The following IFT74 variants were observed in gnomAD, a reference collection of about 807,000 sequenced individuals.
IFT74 encodes intraflagellar transport 74.
Under a neutral mutation model 96.7 loss-of-function variants are expected in IFT74, and 92 were observed. The ratio of observed to expected loss-of-function variants is 0.95; its 90% confidence interval spans 0.80 to 1.13. IFT74 has a LOEUF of 1.13. Among genes scored for constraint, IFT74 ranks in the 50% most tolerant of loss-of-function variants. The pLI is 0.00. For missense variants in IFT74, 811 were observed against 698.2 expected (o/e 1.16, Z -1.82); for synonymous variants, 223 against 213.2 (o/e 1.05, Z -0.40).
chr9:27,025,939 G>C (rs749603870), intron 12 of IFT74, among the ~76,000 whole-genome samples: 2 of 152,060 alleles, frequency 1.3e-5, no homozygotes, highest in Non-Finnish European at 2.9e-5. Flanking sequence ...AAAAACTAAG[G>C]TATTCAGGCA....
chr9:26,998,735 G>A (rs1448820463), intron 8 of IFT74, among the ~76,000 whole-genome samples: 2 of 152,016 alleles, frequency 1.3e-5, no homozygotes, highest in African/African-American at 4.8e-5. Flanking sequence ...TGTAATCCCA[G>A]CACTTTGGGA....
At chr9:27,018,157 A>G (rs1829434552) in intron 11 of IFT74, among the ~76,000 whole-genome samples, 1 of 152,212 alleles carries the variant, frequency 6.6e-6, no homozygotes, top group Admixed American at 6.5e-5. Context: ...ATAAGCAATA[A>G]ATAATCTTTC....
intron 8 of IFT74, among the ~76,000 whole-genome samples, chr9:26,998,922 A>G (rs547270898): frequency 2.6e-5 from 4 of 152,194 alleles, no homozygotes; most frequent in Admixed American, 1.3e-4. Context: ...TCAACCCAGG[A>G]GGCGGAGGTT....
At chr9:27,047,767 G>C (rs993339205) in intron 15 of IFT74, among the ~76,000 whole-genome samples, 1 of 152,068 alleles carries the variant, frequency 6.6e-6, no homozygotes, top group Admixed American at 6.6e-5. Flanking sequence ...TAAATAAAAA[G>C]ATTCTTGTAT....
intron 16 of IFT74, among the ~76,000 whole-genome samples, chr9:27,055,129 C>G (rs778648463): frequency 1.3e-5 from 2 of 152,118 alleles, no homozygotes; most frequent in Non-Finnish European, 2.9e-5. Flanking sequence ...AGCAATAGTT[C>G]AATATTTGCT....
chr9:26,996,154 A>G (rs1035734506), intron 8 of IFT74, among the ~76,000 whole-genome samples: 1 of 152,204 alleles, frequency 6.6e-6, no homozygotes, highest in Non-Finnish European at 1.5e-5. Context: ...TGTAACTAGC[A>G]GAGCCTAGTT....
At chr9:27,033,604 G>T (rs1315480016) in intron 13 of IFT74, among the ~76,000 whole-genome samples, 2 of 150,530 alleles carry the variant, frequency 1.3e-5, no homozygotes, top group African/African-American at 4.9e-5. Context: ...ATGGTGCCTG[G>T]TGCACATTAA....
At chr9:26,982,581 G>A (rs200794589) in intron 4 of IFT74, among the ~76,000 whole-genome samples, 2 of 150,110 alleles carry the variant, frequency 1.3e-5, no homozygotes, top group African/African-American at 4.9e-5. Context: ...TCAGCCTCCC[G>A]AGTAGCTGGG....
At chr9:27,033,573 C>CAAAA (rs558712485) in intron 13 of IFT74, among the ~76,000 whole-genome samples, 3,899 of 66,164 alleles carry the variant, frequency 0.059, 115 homozygotes, top group South Asian at 0.13. Flanking sequence ...GACCCTGTCT[C>CAAAA]AAAAAAAAAA....
At chr9:27,050,181 C>G (rs1819861287) in intron 16 of IFT74, among the ~76,000 whole-genome samples, 1 of 152,116 alleles carries the variant, frequency 6.6e-6, no homozygotes, top group Admixed American at 6.5e-5. Context: ...CCTCAGCCTC[C>G]CAACTAGCTG....
intron 1 of IFT74, chr9:26,947,389 C>A: frequency 4.1e-6 from 1 of 246,742 alleles, no homozygotes; most frequent in Non-Finnish European, 7.8e-6. Flanking sequence ...GAGGCCCGCC[C>A]TTCCACCAGG....
At chr9:27,008,759 GTAAAA>G (rs1378186323) in intron 8 of IFT74, among the ~76,000 whole-genome samples, 1 of 152,104 alleles carries the variant, frequency 6.6e-6, no homozygotes, top group African/African-American at 2.4e-5. Context: ...TGATTTCTTA[GTAAAA>G]TAAAATGGAG....
chr9:26,995,774 A>G, intron 8 of IFT74: 2 of 1,613,898 alleles, frequency 1.2e-6, no homozygotes, highest in Non-Finnish European at 1.7e-6. Flanking sequence ...AGCAATAAAA[A>G]TGAGAAGTGA....
At chr9:27,044,014 A>C (rs1328132532) in intron 13 of IFT74, among the ~76,000 whole-genome samples, 1 of 152,230 alleles carries the variant, frequency 6.6e-6, no homozygotes, top group East Asian at 1.9e-4. Context: ...CCTTAGGAGA[A>C]AGTCCAAACT....
rs1200900334 is a variant in IFT74, at chr9:27,063,001, G to T, written c.*265G>T. ...GATAAAGAAACTAAAAGTGACCGTT[G>T]AAATTTATTTAGCTGGTATAATCCA... is the stretch of plus-strand genomic sequence containing the variant. On this transcript the variant is annotated 3_prime_UTR_variant, in exon 20 of 20. Coordinates refer to ENST00000380062, the MANE Select transcript of IFT74 (RefSeq NM_025103.4). 5.8e-6 allele frequency: 2 copies of T among 344,012 alleles called. No individual in the cohort carries two copies. Among genetic ancestry groups the T allele is most frequent in the Non-Finnish European group, 1.0e-5 (2 of 192,048 alleles). The allele number at this position is 344,012 out of a possible 1,614,324, so 21.3% of individuals were successfully genotyped here. A position where few individuals can be genotyped will look rare whatever the true frequency, so the allele number is the denominator to read the frequency against.
chr9:26,948,445 A>ATTTTTTTTTTTTTTT (rs1554662864), intron 1 of IFT74, among the ~76,000 whole-genome samples: 2 of 47,312 alleles, frequency 4.2e-5, no homozygotes, highest in African/African-American at 5.9e-5. Context: ...ATGGCTTTCC[A>ATTTTTTTTTTTTTTT]TTATTTTTTT....
At chr9:26,965,810 T>C (rs76981773) in intron 2 of IFT74, among the ~76,000 whole-genome samples, 11,970 of 152,112 alleles carry the variant, frequency 0.079, 716 homozygotes, top group African/African-American at 0.17. Context: ...TAATCTTTAG[T>C]GTCTGTTATC....
chr9:27,060,620 C>A lies in IFT74; in HGVS notation c.1653C>A (p.His551Gln). 1.3e-6 allele frequency: 2 copies of A among 1,596,292 alleles called. No individual in the cohort carries two copies. Among genetic ancestry groups the A allele is most frequent in the East Asian group, 2.3e-5 (1 of 44,096 alleles). Residue 551 changes from histidine to glutamine, a missense_variant, in exon 19 of 20, where the codon CAC becomes CAA. His to Gln is a conservative substitution (Grantham distance 24, BLOSUM62 0). Transcript: ENST00000380062. ...CAAATTTGGAGAGAAAGTGGCAACA[C>A]CTTGAGCAAAATAATTTTGCGATGA... ...QLTNLERKWQ[H>Q]LEQNNFAMKE...
chr9:26,983,638 C>T (rs894940863), intron 4 of IFT74, among the ~76,000 whole-genome samples: 1 of 152,178 alleles, frequency 6.6e-6, no homozygotes, highest in Non-Finnish European at 1.5e-5. Context: ...GACAGTTAAG[C>T]ACCTACATCT....
Sources: allele counts gnomAD v4.1 joint callset (sites outside exome capture counted in the v4.1 genomes callset), GRCh38; gene constraint gnomAD v4.1.1; transcripts MANE v1.5; gene names NCBI Gene and HGNC (gene_info 2026-07-23, HGNC 2026-07-21).